MCTP1: variants seen among roughly 807,000 people sequenced by gnomAD.
MCTP1 encodes the protein multiple C2 and transmembrane domain containing 1.
In MCTP1, 69 loss-of-function variants were observed where a neutral mutation model predicts 120.6. The ratio of observed to expected loss-of-function variants is 0.57; its 90% confidence interval spans 0.47 to 0.70. The LOEUF is 0.70. Among genes scored for constraint, MCTP1 ranks in the 30% least tolerant of loss-of-function variants. The probability of loss-of-function intolerance (pLI) is 0.00; values close to 1 mark genes in which losing one functional copy is unlikely to be tolerated. For synonymous variants in MCTP1, 529 were observed against 493.1 expected (o/e 1.07, Z -0.96); for missense variants, 1,203 against 1,248.8 (o/e 0.96, Z 0.55).
chr5:95,098,760 G>C (rs1171426090), intron 1 of MCTP1, among the ~76,000 whole-genome samples: 1 of 151,906 alleles, frequency 6.6e-6, no homozygotes, highest in Non-Finnish European at 1.5e-5. Flanking sequence ...TCACAGAATT[G>C]GAAAAAACTA....
intron 1 of MCTP1, among the ~76,000 whole-genome samples, chr5:95,143,904 C>A (rs1760148620): frequency 6.6e-6 from 1 of 152,014 alleles, no homozygotes; most frequent in Non-Finnish European, 1.5e-5. Flanking sequence ...ATTTATTTTT[C>A]TTTGGGTATA....
chr5:95,092,713 G>T (rs1416028738), intron 1 of MCTP1, among the ~76,000 whole-genome samples: 4 of 151,938 alleles, frequency 2.6e-5, no homozygotes, highest in African/African-American at 9.7e-5. Flanking sequence ...AAAAAGAAAA[G>T]GTGAAAGAAA....
intron 19 of MCTP1, among the ~76,000 whole-genome samples, chr5:94,732,100 A>G (rs188671024): frequency 2.6e-5 from 4 of 152,338 alleles, no homozygotes; most frequent in Admixed American, 2.6e-4. Context: ...ACATTTAAAC[A>G]TGGTTTTAAG....
intron 17 of MCTP1, among the ~76,000 whole-genome samples, chr5:94,861,270 G>A (rs1795722607): frequency 6.6e-6 from 1 of 151,820 alleles, no homozygotes; most frequent in Non-Finnish European, 1.5e-5. Flanking sequence ...GCAAGAGAAG[G>A]GGCAAAGTAA....
intron 10 of MCTP1, among the ~76,000 whole-genome samples, chr5:94,906,731 A>C (rs983603748): frequency 1.3e-5 from 2 of 152,240 alleles, no homozygotes; most frequent in South Asian, 2.1e-4. Flanking sequence ...TAGTCTATAT[A>C]GATAATGTAA....
In MCTP1 at chr5:94,909,349, C is replaced by T; in HGVS notation, c.1554G>A (p.Arg518=). Reference sequence around the variant, plus strand: ...CATAAAGGTGAAAATCAAATTGTTCCCTCCACTGAGGATTCAACGTTTTTG... The same window carrying T: ...CATAAAGGTGAAAATCAAATTGTTCTCTCCACTGAGGATTCAACGTTTTTG... ...IMPKTLNPQW[R]EQFDFHLYEE... The change falls in exon 10 of 23, where the codon AGG becomes AGA. Residue 518 remains arginine, a synonymous_variant. Coordinates refer to ENST00000515393, the MANE Select transcript of MCTP1 (RefSeq NM_024717.7). The T allele has an allele frequency of 1.2e-6, 2 of 1,607,392 alleles. No individual in the cohort carries two copies. The highest frequency in any genetic ancestry group is 1.7e-6 in the Non-Finnish European group (2 of 1,177,422).
intron 1 of MCTP1, among the ~76,000 whole-genome samples, chr5:95,032,938 T>C (rs1840573211): frequency 6.6e-6 from 1 of 151,862 alleles, no homozygotes; most frequent in South Asian, 2.1e-4. Flanking sequence ...TCAAAAGGAA[T>C]ACAAAAGTTC....
chr5:94,943,004 T>C (rs532421839), intron 3 of MCTP1, among the ~76,000 whole-genome samples: 2 of 152,194 alleles, frequency 1.3e-5, no homozygotes, highest in South Asian at 4.1e-4. Context: ...AAAGAGATAA[T>C]GCGTTTCTTC....
chr5:94,950,610 T>C (rs1820253029), intron 3 of MCTP1, among the ~76,000 whole-genome samples: 1 of 152,154 alleles, frequency 6.6e-6, no homozygotes, highest in Non-Finnish European at 1.5e-5. Flanking sequence ...TACATATACA[T>C]ACATACATGT....
At chr5:94,823,534 T>C (rs1393773146) in intron 17 of MCTP1, among the ~76,000 whole-genome samples, 2 of 152,230 alleles carry the variant, frequency 1.3e-5, no homozygotes, top group African/African-American at 4.8e-5. Flanking sequence ...TGGGGTCTCT[T>C]TTGATTTCAT....
chr5:94,949,465 T>C (rs898889004), intron 3 of MCTP1, among the ~76,000 whole-genome samples: 1 of 152,160 alleles, frequency 6.6e-6, no homozygotes, highest in South Asian at 2.1e-4. Context: ...AAATGCTCTT[T>C]TCATTAAAAT....
At chr5:94,879,544 G>A (rs1236735192) in intron 12 of MCTP1, among the ~76,000 whole-genome samples, 1 of 151,932 alleles carries the variant, frequency 6.6e-6, no homozygotes, top group Non-Finnish European at 1.5e-5. Context: ...AAATTATTGA[G>A]GATCTCAAAC....
chr5:94,760,529 T>C (rs1771077610), intron 19 of MCTP1, among the ~76,000 whole-genome samples: 1 of 152,214 alleles, frequency 6.6e-6, no homozygotes, highest in African/African-American at 2.4e-5. Context: ...TCAGGATACT[T>C]GGCTAAGACT....
intron 1 of MCTP1, among the ~76,000 whole-genome samples, chr5:95,072,081 C>CTG (rs56135843): frequency 0.026 from 3,795 of 143,838 alleles, 161 homozygotes; most frequent in African/African-American, 0.091. Flanking sequence ...GCCAATTTTC[C>CTG]TGTGTGTGTG....
chr5:95,273,968 G>T (rs1204980381), intron 1 of MCTP1, among the ~76,000 whole-genome samples: 5 of 152,180 alleles, frequency 3.3e-5, no homozygotes, highest in Non-Finnish European at 5.9e-5. Flanking sequence ...CAGCCCAGCT[G>T]CAAGCTCTCA....
intron 1 of MCTP1, among the ~76,000 whole-genome samples, chr5:95,134,144 A>C (rs1270328381): frequency 6.6e-6 from 1 of 152,232 alleles, no homozygotes; most frequent in Admixed American, 6.5e-5. Context: ...AATAGGTGAG[A>C]TTGGAAACAA....
chr5:94,860,271 T>C (rs1020835069), intron 17 of MCTP1, among the ~76,000 whole-genome samples: 1 of 151,714 alleles, frequency 6.6e-6, no homozygotes, highest in Non-Finnish European at 1.5e-5. Flanking sequence ...ATAATATTCA[T>C]TAAAAATATA....
chr5:95,184,189 T>G (rs1359779952), intron 1 of MCTP1, among the ~76,000 whole-genome samples: 2 of 152,140 alleles, frequency 1.3e-5, no homozygotes, highest in African/African-American at 4.8e-5. Context: ...TGGCACTTTT[T>G]AAATGAAGTT....
chr5:95,280,031 A>G (rs1325097133), intron 1 of MCTP1, among the ~76,000 whole-genome samples: 2 of 152,172 alleles, frequency 1.3e-5, no homozygotes, highest in Non-Finnish European at 1.5e-5. Context: ...TTTAAGATGG[A>G]GTTGTGTTCT....
Sources: allele counts gnomAD v4.1 joint callset (sites outside exome capture counted in the v4.1 genomes callset), GRCh38; gene constraint gnomAD v4.1.1; transcripts MANE v1.5; gene names NCBI Gene and HGNC (gene_info 2026-07-23, HGNC 2026-07-21).